The following SENP7 variants were observed in gnomAD, a reference collection of about 807,000 sequenced individuals.
SENP7 encodes the protein sentrin-specific protease 7.
Under a neutral mutation model 141.2 loss-of-function variants are expected in SENP7, and 64 were observed. The observed-to-expected ratio is 0.45, with a 90% CI of 0.37 to 0.56. The LOEUF (loss-of-function observed/expected upper bound fraction) is 0.56. Ranked by LOEUF, SENP7 falls within the 20% of genes least tolerant of loss-of-function variation. The probability of loss-of-function intolerance (pLI) is 0.00; values close to 1 mark genes in which losing one functional copy is unlikely to be tolerated. For missense variants in SENP7, 1,025 were observed against 1,212.2 expected (o/e 0.85, Z 2.29); for synonymous variants, 382 against 426.4 (o/e 0.90, Z 1.28).
chr3:101,450,622 A>C (rs1365191422), intron 4 of SENP7, among the ~76,000 whole-genome samples: 1 of 152,246 alleles, frequency 6.6e-6, no homozygotes, highest in Non-Finnish European at 1.5e-5. Flanking sequence ...TACTGGGTAC[A>C]TAACAAAATG....
chr3:101,436,984 G>A (rs2062415478), intron 4 of SENP7, among the ~76,000 whole-genome samples: 1 of 152,194 alleles, frequency 6.6e-6, no homozygotes, highest in South Asian at 2.1e-4. Flanking sequence ...CCCATTAATA[G>A]ATGAATGGAT....
intron 3 of SENP7, among the ~76,000 whole-genome samples, chr3:101,491,841 C>T (rs1332970044): frequency 2.0e-5 from 3 of 152,112 alleles, no homozygotes; most frequent in Non-Finnish European, 4.4e-5. Context: ...CCTGTAATAC[C>T]AGCACTTTGG....
rs117029296 is a variant in SENP7 at position 101,496,848 on chromosome 3, G to A, written c.91-2880C>T. ...CCGCCTTGGCCTCCCAAAGTGCTGG[G>A]ATTATAGGCATGAGCCAACCCACCA... On this transcript the variant is annotated intron_variant, in intron 2 of 23. Transcript: ENST00000394095. Among the ~76,000 whole-genome samples, 293 of 152,284 alleles carry A rather than the reference G, an allele frequency of 1.9e-3. 6 individuals are homozygous for A. The East Asian group carries it at 0.049, about 25-fold the overall frequency.
intron 4 of SENP7, among the ~76,000 whole-genome samples, chr3:101,418,952 C>T (rs1485439299): frequency 6.6e-6 from 1 of 152,156 alleles, no homozygotes; most frequent in East Asian, 1.9e-4. Context: ...GGAGTTTCAG[C>T]TACAAACAAA....
intron 3 of SENP7, among the ~76,000 whole-genome samples, chr3:101,467,766 G>A (rs928780940): frequency 3.3e-5 from 5 of 152,210 alleles, no homozygotes; most frequent in Non-Finnish European, 7.3e-5. Flanking sequence ...GAGCAGAAAA[G>A]CTGAAAATTC....
chr3:101,340,113 A>G lies in SENP7; in HGVS notation c.2339T>C (p.Ile780Thr). ...TACTTACTTAAGGTAAAAATCAATG[A>G]TTACATCATTAAGAAACTCTCCTTC... ...LEEGEFLNDV[I>T]IDFYLKYLIL... The change falls in exon 16 of 24, where the codon ATC becomes ACC. Residue 780 changes from isoleucine (I) to threonine (T), a missense_variant. This residue lies in a region of SENP7 where 295 missense variants were observed against 459.1 expected (regional missense o/e 0.64). Transcript: ENST00000394095. The G allele has an allele frequency of 1.3e-6, 2 of 1,590,202 alleles. No individual in the cohort carries two copies. The highest frequency in any genetic ancestry group is 1.7e-6 in the Non-Finnish European group (2 of 1,172,896).
At chr3:101,467,429 T>G (rs990584208) in intron 3 of SENP7, among the ~76,000 whole-genome samples, 1 of 152,182 alleles carries the variant, frequency 6.6e-6, no homozygotes, top group Admixed American at 6.5e-5. Flanking sequence ...CGCCTCCCAT[T>G]AGGGGATGAC....
In SENP7 at chr3:101,341,656, G is replaced by A. The variant is rs769233041; in HGVS notation, c.2230C>T (p.Leu744Phe). 6.2e-7 allele frequency: 1 copy of A among 1,604,872 alleles called. No individual in the cohort carries two copies. ...EEWREVRHTG[L>F]VQKLIVYPPP... The stretch of plus-strand genomic sequence containing the variant: ...TATGACAGTACATACTTCTGAACAA[G>A]TCCAGTGTGCCTGACTTCTCGCCAT... The change falls in exon 15 of 24, where the codon CTT becomes TTT. Residue 744 changes from leucine to phenylalanine, a missense_variant. Transcript: ENST00000394095.
intron 13 of SENP7, among the ~76,000 whole-genome samples, chr3:101,345,266 T>A (rs1388997624): frequency 1.3e-5 from 2 of 152,176 alleles, no homozygotes; most frequent in African/African-American, 2.4e-5. Context: ...GGTATTTTGA[T>A]GGGAATTGCA....
At position 101,387,290 on chromosome 3, in the gene SENP7, G is replaced by A. The variant is rs895569584; in HGVS notation, c.677+11571C>T. 5.9e-5 allele frequency among the ~76,000 whole-genome samples: 9 copies of A among 152,086 alleles called. 1 individual carries two copies. The highest frequency in any genetic ancestry group is 1.3e-4 in the Non-Finnish European group (9 of 68,030). On this transcript the variant is annotated intron_variant, in intron 6 of 23. Coordinates refer to ENST00000394095, the MANE Select transcript of SENP7 (RefSeq NM_020654.5). ...CACCAGTACCAGCACATACCATTGAGAGGCCTGACAATAGGCCTACCCCAC... is the reference window on the plus strand; with the variant it reads ...CACCAGTACCAGCACATACCATTGAAAGGCCTGACAATAGGCCTACCCCAC...
At chr3:101,428,676 T>G (rs2062047560) in intron 4 of SENP7, among the ~76,000 whole-genome samples, 3 of 152,228 alleles carry the variant, frequency 2.0e-5, no homozygotes. Context: ...TAGTTTCTTT[T>G]GCTGTGCAGA....
At chr3:101,344,000 G>C (rs1163739454) in intron 13 of SENP7, 46 bp from the exon 14 acceptor site, 2 of 1,230,288 alleles carry the variant, frequency 1.6e-6, no homozygotes, top group African/African-American at 1.5e-5. Flanking sequence ...TATTTTTCAA[G>C]AGGATTATAA....
At chr3:101,414,256 G>C in intron 5 of SENP7, 1 of 670,626 alleles carries the variant, frequency 1.5e-6, no homozygotes, top group Non-Finnish European at 2.7e-6. Context: ...ACGAGTGGTA[G>C]AATCGATGGT....
chr3:101,431,083 G>C (rs1221493613), intron 4 of SENP7, among the ~76,000 whole-genome samples: 6 of 152,176 alleles, frequency 3.9e-5, no homozygotes, highest in Admixed American at 3.9e-4. Flanking sequence ...ATTTGCTGAG[G>C]AGTGTTTTAC....
chr3:101,353,499 C>T (rs2059663421), intron 11 of SENP7, among the ~76,000 whole-genome samples: 1 of 151,936 alleles, frequency 6.6e-6, no homozygotes, highest in African/African-American at 2.4e-5. Flanking sequence ...ACCCTACTCC[C>T]AGCAGACTTA....
chr3:101,332,558 T>C (rs1352405322), intron 18 of SENP7, among the ~76,000 whole-genome samples: 2 of 152,090 alleles, frequency 1.3e-5, no homozygotes, highest in Non-Finnish European at 2.9e-5. Context: ...TTTGTCACTT[T>C]ATTTTTTTTT....
At chr3:101,358,076 C>T (rs2059791812) in intron 11 of SENP7, 3 of 603,234 alleles carry the variant, frequency 5.0e-6, no homozygotes, top group Non-Finnish European at 8.0e-6. Context: ...TGAGATAATT[C>T]ATAGAAACTC....
intron 5 of SENP7, among the ~76,000 whole-genome samples, chr3:101,412,077 C>G (rs2061471857): frequency 6.6e-6 from 1 of 152,064 alleles, no homozygotes; most frequent in Admixed American, 6.6e-5. Context: ...AGGGAAAACT[C>G]TGAGGAACTA....
intron 3 of SENP7, among the ~76,000 whole-genome samples, chr3:101,470,907 T>A (rs1293691875): frequency 6.6e-6 from 1 of 152,028 alleles, no homozygotes; most frequent in Non-Finnish European, 1.5e-5. Context: ...CACAATTGCT[T>A]CAAAGAGAAT....
Sources: allele counts gnomAD v4.1 joint callset (sites outside exome capture counted in the v4.1 genomes callset), GRCh38; gene constraint gnomAD v4.1.1; regional missense constraint gnomAD v4.1.1; transcripts MANE v1.5; gene names NCBI Gene and HGNC (gene_info 2026-07-23, HGNC 2026-07-21).